Variants in FBRSL1 observed in about 807,000 individuals in gnomAD.
The protein encoded by FBRSL1 is fibrosin like 1.
FBRSL1 carries 51 observed loss-of-function variants against 89.6 expected under a neutral mutation model. The observed-to-expected ratio is 0.57, with a 90% CI of 0.45 to 0.72. The LOEUF is 0.72. Among genes scored for constraint, FBRSL1 ranks in the 30% least tolerant of loss-of-function variants. The probability of loss-of-function intolerance (pLI) is 0.00; values close to 1 mark genes in which losing one functional copy is unlikely to be tolerated. For missense variants in FBRSL1, 1,618 were observed against 1,451.8 expected (o/e 1.11, Z -1.86); for synonymous variants, 779 against 681.1 (o/e 1.14, Z -2.24).
intron 2 of FBRSL1, among the ~76,000 whole-genome samples, chr12:132,512,285 G>A (rs1046086100): frequency 6.6e-6 from 1 of 152,266 alleles, no homozygotes; most frequent in African/African-American, 2.4e-5. Flanking sequence ...GTGAGGGAGG[G>A]TGGTTCAGCT....
At chr12:132,508,515 C>T (rs994620539) in intron 2 of FBRSL1, among the ~76,000 whole-genome samples, 165 bp downstream of exon 2, 1 of 152,210 alleles carries the variant, frequency 6.6e-6, no homozygotes, top group African/African-American at 2.4e-5. Flanking sequence ...AGGGCTGGGG[C>T]CTAGCAGAGG....
rs939048282 is a variant in FBRSL1, at chr12:132,564,742, T to G, written c.646-2739T>G. Among the ~76,000 whole-genome samples, 28 of 42,654 alleles carry G rather than the reference T, an allele frequency of 6.6e-4. 2 individuals carry two copies. Among genetic ancestry groups the G allele is most frequent in the Middle Eastern group, 0.01 (1 of 98 alleles). 28.0% of individuals were successfully genotyped at this position (42,654 alleles called of 152,430 possible). On this transcript the variant is annotated intron_variant, in intron 5 of 18. Coordinates refer to ENST00000680143, the MANE Select transcript of FBRSL1 (RefSeq NM_001367871.1). ...GATCTCCTGACCTCGTGATCCGCCC[T>G]CCTCGGCCTCCCGAGTAGCTGGGAC...
chr12:132,571,397 T>C, intron 9 of FBRSL1, 166 bp downstream of exon 9: 2 of 1,550,932 alleles, frequency 1.3e-6, no homozygotes, highest in Non-Finnish European at 1.7e-6. Context: ...GGGGCTCTGC[T>C]GCGGGCGGAG....
chr12:132,518,161 G>A (rs760534418), intron 2 of FBRSL1, among the ~76,000 whole-genome samples: 18 of 152,122 alleles, frequency 1.2e-4, no homozygotes, highest in Admixed American at 2.0e-4. Context: ...TGCTGGCAAC[G>A]CACTTCCTAG....
chr12:132,577,634 C>A (rs1291612323), intron 15 of FBRSL1, among the ~76,000 whole-genome samples: 3 of 152,138 alleles, frequency 2.0e-5, no homozygotes, highest in Admixed American at 6.5e-5. Context: ...GAGTCACCCC[C>A]TCCCCCGGGT....
At chr12:132,520,830 G>GGA (rs936600829) in intron 2 of FBRSL1, among the ~76,000 whole-genome samples, 1 of 152,220 alleles carries the variant, frequency 6.6e-6, no homozygotes, top group South Asian at 2.1e-4. Flanking sequence ...CGAAGGCAGC[G>GGA]GAGAGAGGTA....
chr12:132,499,450 G>A lies in FBRSL1; in HGVS notation c.291+8589G>A, dbSNP rs2032601875. On this transcript the variant is annotated intron_variant, in intron 1 of 18. Transcript: ENST00000680143. The surrounding 1 kb of genome is among the most constrained non-coding windows in gnomAD (Gnocchi z 4.3). ...TTATTGAGCACCGGCTGTGTGCCAGGCCCTGGGCCGGCCCCCAAGATACAC... is the reference window on the plus strand; with the variant it reads ...TTATTGAGCACCGGCTGTGTGCCAGACCCTGGGCCGGCCCCCAAGATACAC... 1.3e-5 allele frequency among the ~76,000 whole-genome samples: 2 copies of A among 152,318 alleles called. No homozygotes were observed. The highest frequency in any genetic ancestry group is 3.4e-3 in the Middle Eastern group (1 of 294).
rs72443894 is a variant in FBRSL1, at chr12:132,584,819, T to TACACACACACACACACACAC, written c.*1055_*1074dup. ...AGTGCAAGAGTCTAAAGGCTGATTT[T>TACACACACACACACACACAC]ACACACACACACACACACACACACA... On this transcript the variant is annotated 3_prime_UTR_variant, in exon 19 of 19. Transcript: ENST00000680143. 2 of 99,482 alleles carry TACACACACACACACACACAC rather than the reference T, an allele frequency of 2.0e-5. No individual in the cohort carries two copies. Among genetic ancestry groups the TACACACACACACACACACAC allele is most frequent in the African/African-American group, 3.6e-5 (1 of 27,932 alleles). The allele number at this position is 99,482 out of a possible 1,614,324, so 6.2% of individuals were successfully genotyped here.
intron 15 of FBRSL1, among the ~76,000 whole-genome samples, chr12:132,578,036 G>A (rs1467588066): frequency 6.6e-6 from 1 of 152,186 alleles, no homozygotes; most frequent in Non-Finnish European, 1.5e-5. Flanking sequence ...GAAAATCCAG[G>A]TATAACTTTT....
rs2040909490 is a variant in FBRSL1 at position 132,583,207 on chromosome 12, A to G, written c.2438A>G (p.Lys813Arg). 1 of 1,436,298 alleles carries G rather than the reference A, an allele frequency of 7.0e-7. No individual in the cohort carries two copies. The highest frequency in any genetic ancestry group is 9.1e-7 in the Non-Finnish European group (1 of 1,096,908). The allele number at this position is 1,436,298 out of a possible 1,614,324, so 89.0% of individuals were successfully genotyped here. Residue 813 changes from lysine to arginine, a missense_variant, in exon 19 of 19, where the codon AAG (lysine) becomes AGG (arginine). Physicochemically the swap from Lys to Arg is conservative, Grantham distance 26. Coordinates refer to ENST00000680143, the MANE Select transcript of FBRSL1 (RefSeq NM_001367871.1). ...AGCAAGGCGGCCCCTGGAGACGTGAAGGTCAAGGAGGAGCGCGGGGAGGAC... is the reference window on the plus strand; with the variant it reads ...AGCAAGGCGGCCCCTGGAGACGTGAGGGTCAAGGAGGAGCGCGGGGAGGAC... ...PHSKAAPGDV[K>R]VKEERGEDEA...
chr12:132,528,037 G>A, intron 4 of FBRSL1, 49 bp downstream of exon 4: 2 of 1,523,780 alleles, frequency 1.3e-6, no homozygotes, highest in Non-Finnish European at 1.8e-6. Flanking sequence ...TGGGGCCTTA[G>A]GACCAGGTCC....
At chr12:132,582,294 C>T (rs1298173006) in intron 18 of FBRSL1, 28 bp downstream of exon 18, 163 of 1,536,132 alleles carry the variant, frequency 1.1e-4, no homozygotes, top group Non-Finnish European at 1.4e-4. Context: ...TCCGTATCCC[C>T]ACCACACACC....
intron 6 of FBRSL1, among the ~76,000 whole-genome samples, chr12:132,568,253 TC>T (rs62856361): frequency 0.019 from 2,935 of 152,368 alleles, 72 homozygotes; most frequent in African/African-American, 0.061. Context: ...TCCCTGGGTT[TC>T]CAGCTGGAAC....
In FBRSL1 at chr12:132,583,884, C is replaced by T. The variant is rs983546770; in HGVS notation, c.*106C>T. The stretch of plus-strand genomic sequence containing the variant: ...CCCGCCGATCCTGGGGCGGCGCCGC[C>T]TCTCCACCCGCAGCCTGCGGAGGCG... On this transcript the variant is annotated 3_prime_UTR_variant, in exon 19 of 19. Transcript: ENST00000680143. The T allele has an allele frequency of 5.5e-6, 3 of 550,408 alleles. No individual in the cohort carries two copies. Among genetic ancestry groups the T allele is most frequent in the African/African-American group, 2.0e-5 (1 of 49,134 alleles). The allele number at this position is 550,408 out of a possible 1,614,324, so 34.1% of individuals were successfully genotyped here.
intron 4 of FBRSL1, among the ~76,000 whole-genome samples, chr12:132,528,677 G>A (rs574500785): frequency 8.6e-5 from 13 of 151,832 alleles, no homozygotes; most frequent in African/African-American, 3.1e-4. Context: ...GTGGGTGCAC[G>A]GGTGTGTTTC....
chr12:132,504,245 G>GA (rs1046599936), intron 1 of FBRSL1, among the ~76,000 whole-genome samples: 3 of 151,976 alleles, frequency 2.0e-5, no homozygotes, highest in Non-Finnish European at 4.4e-5. Context: ...CCCAAAGAGG[G>GA]GCAGCAGGGC....
intron 2 of FBRSL1, among the ~76,000 whole-genome samples, chr12:132,520,515 G>A (rs2035257659): frequency 1.3e-5 from 2 of 152,212 alleles, no homozygotes; most frequent in Admixed American, 6.5e-5. Flanking sequence ...CCGAGGGTGG[G>A]GACAACAGTC....
Position 132,499,560 on chromosome 12 carries a change from G to A in FBRSL1, c.292-8593G>A, listed in dbSNP as rs2032625209. On this transcript the variant is annotated intron_variant, in intron 1 of 18. Coordinates refer to ENST00000680143, the MANE Select transcript of FBRSL1 (RefSeq NM_001367871.1). The surrounding 1 kb of genome is among the most constrained non-coding windows in gnomAD (Gnocchi z 4.3). ...TAGGAGTCACAGAGGAGGCCACGAGGGCTTCTGGGGAAGAGTGCAGGCTGT... is the reference window on the plus strand; with the variant it reads ...TAGGAGTCACAGAGGAGGCCACGAGAGCTTCTGGGGAAGAGTGCAGGCTGT... 6.6e-6 allele frequency among the ~76,000 whole-genome samples: 1 copy of A among 152,198 alleles called. No individual in the cohort carries two copies. The highest frequency in any genetic ancestry group is 1.5e-5 in the Non-Finnish European group (1 of 68,036).
In FBRSL1 at chr12:132,490,636, GGCCGCCCGC is replaced by G. The variant is rs1223780534; in HGVS notation, c.68_76del (p.Ala23_Arg25del). On this transcript the variant is annotated inframe_deletion, in exon 1 of 19. Coordinates refer to ENST00000680143, the MANE Select transcript of FBRSL1 (RefSeq NM_001367871.1). ...AGCGGGACCGTGGCCGGCGCCGGGA[GGCCGCCCGC>G]GACGCCCGCGCCCAGAGTCCGTCGT... The G allele has an allele frequency of 3.9e-5, 38 of 983,650 alleles. No homozygotes were observed. Among genetic ancestry groups the G allele is most frequent in the Non-Finnish European group, 4.6e-5 (38 of 830,222 alleles). The allele number at this position is 983,650 out of a possible 1,614,324, so 60.9% of individuals were successfully genotyped here.
Sources: gnomAD v4.1 joint callset for allele counts (sites outside exome capture counted in the v4.1 genomes callset) on GRCh38, gnomAD v4.1.1 for gene constraint, Gnocchi (gnomAD v3.1) non-coding constraint, MANE v1.5 for transcripts, NCBI Gene and HGNC (gene_info 2026-07-23, HGNC 2026-07-21) for gene names.